TMEM108: variants seen among roughly 807,000 people sequenced by gnomAD.
TMEM108 encodes the protein cancer/testis antigen 124.
A neutral mutation model predicts 35.1 loss-of-function variants in TMEM108; 12 were observed. That is an observed-to-expected ratio of 0.34 (90% CI 0.22 to 0.55). The LOEUF is 0.55. TMEM108 is among the 20% of genes least tolerant of loss of function. The pLI, the probability that TMEM108 is intolerant of heterozygous loss-of-function variation, is 0.89. For synonymous variants in TMEM108, 287 were observed against 308.6 expected (o/e 0.93, Z 0.73); for missense variants, 680 against 753.3 (o/e 0.90, Z 1.14).
intron 2 of TMEM108, among the ~76,000 whole-genome samples, chr3:133,064,668 A>G (rs897321291): frequency 6.6e-6 from 1 of 152,136 alleles, no homozygotes; most frequent in Admixed American, 6.6e-5. Context: ...AACATAGTGA[A>G]GGACCAAATG....
chr3:133,236,761 A>G (rs17362409), intron 3 of TMEM108, among the ~76,000 whole-genome samples: 30,649 of 152,056 alleles, frequency 0.2, 3,631 homozygotes, highest in Middle Eastern at 0.32. Flanking sequence ...ACATAACTAT[A>G]TCTTTTTCAA....
intron 2 of TMEM108, among the ~76,000 whole-genome samples, chr3:133,160,786 A>G (rs868828054): frequency 2.0e-5 from 3 of 152,148 alleles, no homozygotes; most frequent in African/African-American, 4.8e-5. Context: ...TGTATCTGGT[A>G]TCTGGGTCAG....
intron 2 of TMEM108, among the ~76,000 whole-genome samples, chr3:133,153,961 G>A (rs1018278087): frequency 1.3e-5 from 2 of 152,024 alleles, no homozygotes; most frequent in South Asian, 4.2e-4. Context: ...TGTAAATGAA[G>A]GTGGTATATG....
At chr3:133,351,843 A>G (rs1386746070) in intron 3 of TMEM108, among the ~76,000 whole-genome samples, 1 of 152,142 alleles carries the variant, frequency 6.6e-6, no homozygotes, top group Non-Finnish European at 1.5e-5. Context: ...CTCTCAGGCT[A>G]TGCAGCTCAT....
intron 4 of TMEM108, chr3:133,389,298 C>G: frequency 1.0e-6 from 1 of 985,564 alleles, no homozygotes; most frequent in African/African-American, 1.7e-5. Flanking sequence ...ACATGTCACA[C>G]TGTGCTCAGT....
chr3:133,218,308 T>C (rs1401241769), intron 2 of TMEM108, among the ~76,000 whole-genome samples: 1 of 152,032 alleles, frequency 6.6e-6, no homozygotes, highest in Non-Finnish European at 1.5e-5. Flanking sequence ...TTTGGTGGAT[T>C]CTTTAAGGTT....
At chr3:133,171,105 A>G (rs1234459134) in intron 2 of TMEM108, among the ~76,000 whole-genome samples, 1 of 152,192 alleles carries the variant, frequency 6.6e-6, no homozygotes, top group African/African-American at 2.4e-5. Context: ...TGACATTTAG[A>G]TAATTCACCA....
intron 2 of TMEM108, among the ~76,000 whole-genome samples, chr3:133,198,665 A>G (rs1945614953): frequency 6.6e-6 from 1 of 152,242 alleles, no homozygotes; most frequent in Admixed American, 6.5e-5. Context: ...AAAAAAGGGC[A>G]CATCTTTTGT....
At chr3:133,210,694 A>G (rs1945823655) in intron 2 of TMEM108, among the ~76,000 whole-genome samples, 1 of 152,194 alleles carries the variant, frequency 6.6e-6, no homozygotes, top group Admixed American at 6.5e-5. Flanking sequence ...CTCATTCAAA[A>G]TGTTCGGAAT....
chr3:133,061,430 G>C (rs1321330787), intron 2 of TMEM108, among the ~76,000 whole-genome samples: 1 of 152,010 alleles, frequency 6.6e-6, no homozygotes, highest in Admixed American at 6.6e-5. Context: ...AGCCAAGATG[G>C]TCTCCATCTC....
At chr3:133,158,488 A>G (rs1303496231) in intron 2 of TMEM108, among the ~76,000 whole-genome samples, 1 of 150,440 alleles carries the variant, frequency 6.6e-6, no homozygotes, top group African/African-American at 2.4e-5. Flanking sequence ...AAAAAAAAAA[A>G]AGAAAAGAAA....
intron 2 of TMEM108, among the ~76,000 whole-genome samples, chr3:133,141,996 G>C (rs1304706017): frequency 6.6e-6 from 1 of 152,166 alleles, no homozygotes; most frequent in African/African-American, 2.4e-5. Context: ...GGGGCAGGCT[G>C]TCTTGTGTGT....
At chr3:133,291,044 A>T (rs1300209865) in intron 3 of TMEM108, among the ~76,000 whole-genome samples, 1 of 152,154 alleles carries the variant, frequency 6.6e-6, no homozygotes, top group Non-Finnish European at 1.5e-5. Flanking sequence ...TTGTATGGAG[A>T]TATTTTGTGA....
chr3:133,315,008 A>G (rs758826460), intron 3 of TMEM108, among the ~76,000 whole-genome samples: 50 of 152,200 alleles, frequency 3.3e-4, no homozygotes, highest in Admixed American at 2.6e-4. Flanking sequence ...AAACAAAGTT[A>G]CTTAATCTTG....
chr3:133,237,684 C>G (rs1946258071), intron 3 of TMEM108, among the ~76,000 whole-genome samples: 2 of 152,256 alleles, frequency 1.3e-5, no homozygotes, highest in South Asian at 4.1e-4. Context: ...AATAACATAT[C>G]TCAACAGATT....
intron 3 of TMEM108, among the ~76,000 whole-genome samples, chr3:133,326,425 T>C (rs1559905515): frequency 1.3e-5 from 2 of 152,234 alleles, no homozygotes; most frequent in Non-Finnish European, 2.9e-5. Flanking sequence ...TTTGGAATTA[T>C]AACAACCTTC....
At chr3:133,161,800 A>G (rs1944965542) in intron 2 of TMEM108, among the ~76,000 whole-genome samples, 1 of 151,972 alleles carries the variant, frequency 6.6e-6, no homozygotes. Context: ...AGCATTCAAC[A>G]CACATGGCAG....
intron 2 of TMEM108, among the ~76,000 whole-genome samples, chr3:133,072,977 T>A (rs1336762536): frequency 3.3e-5 from 5 of 152,168 alleles, no homozygotes; most frequent in African/African-American, 9.6e-5. Context: ...TTGTAGCATG[T>A]CTTGGTACTT....
intron 2 of TMEM108, among the ~76,000 whole-genome samples, chr3:133,223,727 A>T (rs1450243188): frequency 6.6e-6 from 1 of 152,214 alleles, no homozygotes; most frequent in African/African-American, 2.4e-5. Context: ...TCACAAAATT[A>T]ATGTCAGTCA....
Sources: allele counts gnomAD v4.1 joint callset (sites outside exome capture counted in the v4.1 genomes callset), GRCh38; gene constraint gnomAD v4.1.1; transcripts MANE v1.5; gene names NCBI Gene and HGNC (gene_info 2026-07-23, HGNC 2026-07-21).